ST3GAL3: variants seen among roughly 807,000 people sequenced by gnomAD.
ST3GAL3 encodes CMP-N-acetylneuraminate-beta-1,4-galactoside alpha-2,3-sialyltransferase.
Under a neutral mutation model 50.1 loss-of-function variants are expected in ST3GAL3, and 21 were observed. The observed-to-expected ratio is 0.42, with a 90% CI of 0.30 to 0.60. The LOEUF (loss-of-function observed/expected upper bound fraction) is 0.60, where lower values mean the gene tolerates loss of function less well. Among genes scored for constraint, ST3GAL3 ranks in the 20% least tolerant of loss-of-function variants. The probability of loss-of-function intolerance (pLI) is 0.19; values close to 1 mark genes in which losing one functional copy is unlikely to be tolerated. For missense variants in ST3GAL3, 353 were observed against 489.4 expected, an observed-to-expected ratio of 0.72 and a Z score of 2.63; for synonymous variants, 183 against 190.0, an observed-to-expected ratio of 0.96 and a Z score of 0.30.
In ST3GAL3 at chr1:43,771,106, A is replaced by G. The variant is rs199944738; in HGVS notation, c.119-20996A>G. Among the ~76,000 whole-genome samples the G allele has an allele frequency of 9.2e-5, 14 of 152,246 alleles. No homozygotes were observed. In the East Asian group the frequency reaches 1.9e-3, roughly 21 times the overall value. ...TTCCAGTGGAATTCTTTTGTCCCTCATCAGTTATCCCCTTCTTTTGAACAT... is the reference window on the plus strand; with the variant it reads ...TTCCAGTGGAATTCTTTTGTCCCTCGTCAGTTATCCCCTTCTTTTGAACAT... On this transcript the variant is annotated intron_variant, in intron 2 of 11. Transcript: ENST00000347631.
chr1:43,895,462 C>T (rs893156977), intron 6 of ST3GAL3, among the ~76,000 whole-genome samples: 1 of 152,192 alleles, frequency 6.6e-6, no homozygotes, highest in Non-Finnish European at 1.5e-5. Flanking sequence ...ATCAGATCCC[C>T]ATACTGCCTC....
intron 2 of ST3GAL3, among the ~76,000 whole-genome samples, chr1:43,762,254 T>G (rs1399712972): frequency 6.9e-6 from 1 of 145,914 alleles, no homozygotes; most frequent in Non-Finnish European, 1.5e-5. Flanking sequence ...AGCAAGACCC[T>G]GTCTCATTAA....
chr1:43,919,563 GA>G (rs1257086208), intron 9 of ST3GAL3: 1 of 152,398 alleles, frequency 6.6e-6, no homozygotes, highest in African/African-American at 2.4e-5. Context: ...GCAATAGAAG[GA>G]CAAGGGGCAG....
intron 9 of ST3GAL3, chr1:43,900,885 G>C (rs761177730): frequency 2.6e-5 from 4 of 152,312 alleles, no homozygotes; most frequent in Admixed American, 6.5e-5. Context: ...GACTGGATGA[G>C]ACACCTGGGC....
chr1:43,860,642 A>G (rs2069675193), intron 5 of ST3GAL3, among the ~76,000 whole-genome samples: 1 of 152,198 alleles, frequency 6.6e-6, no homozygotes, highest in African/African-American at 2.4e-5. Flanking sequence ...AGGACTGGCC[A>G]TTTCTGCCAT....
chr1:43,845,179 C>T (rs146322335), intron 5 of ST3GAL3, among the ~76,000 whole-genome samples: 3,131 of 152,160 alleles, frequency 0.021, 106 homozygotes, highest in African/African-American at 0.072. Flanking sequence ...GATGGTGTTT[C>T]GCCATGTTTG....
chr1:43,898,458 C>A, intron 7 of ST3GAL3, 160 bp downstream of exon 7: 1 of 743,092 alleles, frequency 1.3e-6, no homozygotes, highest in Non-Finnish European at 2.4e-6. Context: ...GTAAGTGGAA[C>A]CACTCCACCT....
chr1:43,800,398 C>A (rs1431606398), intron 3 of ST3GAL3, among the ~76,000 whole-genome samples: 1 of 152,192 alleles, frequency 6.6e-6, no homozygotes, highest in Non-Finnish European at 1.5e-5. Context: ...TTGGCCAGAC[C>A]TTCTCAGGCC....
intron 2 of ST3GAL3, among the ~76,000 whole-genome samples, chr1:43,749,344 G>T (rs56367078): frequency 0.35 from 53,018 of 152,002 alleles, 10,033 homozygotes; most frequent in African/African-American, 0.5. Context: ...TCTTCAAATT[G>T]TTCCATCAAG....
At position 43,931,080 on chromosome 1, in the gene ST3GAL3, A is replaced by C. The variant is rs2084947455; in HGVS notation, c.*859A>C. 6.5e-6 allele frequency: 1 copy of C among 152,762 alleles called. No individual in the cohort carries two copies. The highest frequency in any genetic ancestry group is 6.5e-5 in the Admixed American group (1 of 15,270). The allele number at this position is 152,762 out of a possible 1,614,324, so 9.5% of individuals were successfully genotyped here. ...TCTGCCTTTAGCCTGGACCAAAGGG[A>C]AGTGAGGCCCAAGGAGCTTACCCAA... On this transcript the variant is annotated 3_prime_UTR_variant, in exon 12 of 12. Coordinates refer to ENST00000347631, the MANE Select transcript of ST3GAL3 (RefSeq NM_006279.5).
At chr1:43,756,171 A>C (rs1688032995) in intron 2 of ST3GAL3, among the ~76,000 whole-genome samples, 1 of 151,928 alleles carries the variant, frequency 6.6e-6, no homozygotes, top group Admixed American at 6.6e-5. Context: ...AACTTGATAC[A>C]TATGACATAA....
intron 2 of ST3GAL3, among the ~76,000 whole-genome samples, chr1:43,759,106 C>CAG (rs1201105818): frequency 2.0e-5 from 3 of 148,762 alleles, no homozygotes; most frequent in African/African-American, 7.4e-5. Context: ...CACACACACA[C>CAG]AGAAGGGGAT....
chr1:43,838,224 C>T lies in ST3GAL3; in HGVS notation c.215C>T (p.Ala72Val). 3 of 1,611,600 alleles carry T rather than the reference C, an allele frequency of 1.9e-6. No homozygotes were observed. Among genetic ancestry groups the T allele is most frequent in the Non-Finnish European group, 2.5e-6 (3 of 1,178,570 alleles). The change falls in exon 5 of 12, where the codon GCT (alanine) becomes GTT (valine). Residue 72 changes from alanine (A) to valine (V), a missense_variant. By Grantham distance (64) the Ala-to-Val change is moderately conservative (BLOSUM62 0). Coordinates refer to ENST00000347631, the MANE Select transcript of ST3GAL3 (RefSeq NM_006279.5). ...FLLNLDSKLP[A>V]ELATKYANFS... Reference sequence around the variant, plus strand: ...CTTTCCTTCTCTTCCCATAGGCCTGCTGAATTAGCCACCAAGTACGCAAAC... The same window carrying T: ...CTTTCCTTCTCTTCCCATAGGCCTGTTGAATTAGCCACCAAGTACGCAAAC...
chr1:43,903,266 A>G (rs1161735806), intron 9 of ST3GAL3, among the ~76,000 whole-genome samples: 1 of 152,150 alleles, frequency 6.6e-6, no homozygotes, highest in African/African-American at 2.4e-5. Flanking sequence ...GAGACACCCC[A>G]TCCACTGTCC....
intron 2 of ST3GAL3, among the ~76,000 whole-genome samples, chr1:43,790,138 G>A (rs1009979860): frequency 2.6e-5 from 4 of 152,138 alleles, no homozygotes; most frequent in Non-Finnish European, 4.4e-5. Context: ...AAAAAATATC[G>A]ATGAAAGAGT....
intron 4 of ST3GAL3, chr1:43,824,799 A>C: frequency 6.9e-7 from 1 of 1,453,424 alleles, no homozygotes; most frequent in South Asian, 1.1e-5. Flanking sequence ...GGAGAGCCTA[A>C]AAAATTACTG....
chr1:43,849,963 A>G (rs2066968215), intron 5 of ST3GAL3, among the ~76,000 whole-genome samples: 1 of 152,178 alleles, frequency 6.6e-6, no homozygotes, highest in Admixed American at 6.5e-5. Context: ...AAAACACTAG[A>G]ATCTTTCTAA....
intron 5 of ST3GAL3, among the ~76,000 whole-genome samples, chr1:43,853,581 G>A (rs1470549942): frequency 6.6e-6 from 1 of 152,188 alleles, no homozygotes; most frequent in Non-Finnish European, 1.5e-5. Flanking sequence ...AGTGGCCAAG[G>A]TACCGAGGTC....
At chr1:43,885,919 G>T (rs2075909251) in intron 5 of ST3GAL3, among the ~76,000 whole-genome samples, 1 of 152,222 alleles carries the variant, frequency 6.6e-6, no homozygotes, top group Non-Finnish European at 1.5e-5. Context: ...GATGCCAGAG[G>T]CTGGGAAGGG....
Sources: gnomAD v4.1 joint callset for allele counts (sites outside exome capture counted in the v4.1 genomes callset) on GRCh38, gnomAD v4.1.1 for gene constraint, MANE v1.5 for transcripts, NCBI Gene and HGNC (gene_info 2026-07-23, HGNC 2026-07-21) for gene names.